Variants in PRR14L observed in about 807,000 individuals in gnomAD.
PRR14L encodes protein PRR14L.
PRR14L carries 80 observed loss-of-function variants against 155.0 expected under a neutral mutation model. That is an observed-to-expected ratio of 0.52 (90% confidence interval 0.43 to 0.62). The LOEUF is 0.62. Ranked by LOEUF, PRR14L falls within the 20% of genes least tolerant of loss-of-function variation. PRR14L has a pLI of 0.00. For synonymous variants in PRR14L, 883 were observed against 916.0 expected (o/e 0.96, Z 0.65); for missense variants, 2,469 against 2,548.0 (o/e 0.97, Z 0.67).
At chr22:31,705,394 G>C (rs934564925) in intron 4 of PRR14L, among the ~76,000 whole-genome samples, 1 of 151,716 alleles carries the variant, frequency 6.6e-6, no homozygotes, top group Non-Finnish European at 1.5e-5. Flanking sequence ...CTTTTTTTGA[G>C]ACTGAGTCTT....
intron 7 of PRR14L, among the ~76,000 whole-genome samples, chr22:31,700,978 A>G (rs1405768562): frequency 6.6e-6 from 1 of 150,562 alleles, no homozygotes; most frequent in African/African-American, 2.4e-5. Flanking sequence ...AGAAGAAAAT[A>G]TAAGTTTGGC....
At position 31,714,311 on chromosome 22, in the gene PRR14L, T is replaced by C. The variant is rs1482801988; in HGVS notation, c.3528A>G (p.Leu1176=). 6.4e-7 allele frequency: 1 copy of C among 1,551,784 alleles called. No individual in the cohort carries two copies. Among genetic ancestry groups the C allele is most frequent in the Non-Finnish European group, 8.7e-7 (1 of 1,146,998 alleles). ...KRILGRVNLS[L]NDSHYGQQDK... is the part of the protein sequence containing the mutation. The stretch of plus-strand genomic sequence containing the variant: ...CTTGCTGTCCATAATGGCTATCATT[T>C]AAAGACAAATTTACTCTGCCCAATA... The change falls in exon 4 of 9, where the codon TTA becomes TTG. Residue 1176 remains leucine (L), a synonymous_variant. Transcript: ENST00000327423.
At chr22:31,733,648 T>C (rs1166439564) in intron 2 of PRR14L, among the ~76,000 whole-genome samples, 1 of 152,082 alleles carries the variant, frequency 6.6e-6, no homozygotes, top group Non-Finnish European at 1.5e-5. Flanking sequence ...GAGGCACCAA[T>C]AGTTTTGTTA....
intron 8 of PRR14L, among the ~76,000 whole-genome samples, chr22:31,686,768 T>C (rs1052137354): frequency 6.6e-6 from 1 of 152,066 alleles, no homozygotes. Context: ...ACACAGTATA[T>C]TCCATTATAA....
At chr22:31,727,700 G>A (rs1960680008) in intron 2 of PRR14L, among the ~76,000 whole-genome samples, 1 of 152,026 alleles carries the variant, frequency 6.6e-6, no homozygotes, top group African/African-American at 2.4e-5. Flanking sequence ...AATGAATCAG[G>A]GCCGGGTGCA....
At chr22:31,720,794 T>G (rs1347582494) in intron 3 of PRR14L, among the ~76,000 whole-genome samples, 3 of 152,258 alleles carry the variant, frequency 2.0e-5, no homozygotes, top group Non-Finnish European at 4.4e-5. Context: ...TAAGGTAGAT[T>G]TTCCCTCCTT....
chr22:31,692,182 T>C (rs915852788), intron 7 of PRR14L, among the ~76,000 whole-genome samples: 5 of 152,192 alleles, frequency 3.3e-5, no homozygotes, highest in African/African-American at 1.2e-4. Flanking sequence ...TTCAATTCTT[T>C]TGGGTATATA....
rs895049483 is a variant in PRR14L, at chr22:31,715,648, G to A, written c.2191C>T (p.Pro731Ser). 6.4e-7 allele frequency: 1 copy of A among 1,552,142 alleles called. No individual in the cohort carries two copies. The highest frequency in any genetic ancestry group is 2.0e-5 in the Admixed American group (1 of 50,998). The part of the protein sequence containing the change: ...NQTCGASSNC[P>S]TLNIKPVSLE... ...CTTACTGGTTTGATGTTTAAGGTGG[G>A]ACAGTTTGAAGAGGCACCACAGGTT... is the stretch of plus-strand genomic sequence containing the variant. The change falls in exon 4 of 9, where the codon CCC becomes TCC. Residue 731 changes from proline (P) to serine (S), a missense_variant. Pro to Ser is a moderately conservative substitution (Grantham distance 74). Coordinates refer to ENST00000327423, the MANE Select transcript of PRR14L (RefSeq NM_173566.3).
At chr22:31,692,328 C>A (rs149000675) in intron 7 of PRR14L, among the ~76,000 whole-genome samples, 1 of 152,094 alleles carries the variant, frequency 6.6e-6, no homozygotes, top group Non-Finnish European at 1.5e-5. Context: ...CCTTACTACA[C>A]TTATTTTCTG....
intron 2 of PRR14L, among the ~76,000 whole-genome samples, chr22:31,731,318 A>G (rs778479120): frequency 5.3e-5 from 8 of 151,924 alleles, no homozygotes. Context: ...TAATCCTAAC[A>G]CTTTGGGAGG....
At chr22:31,691,338 C>CAGTCT (rs2074510720) in intron 7 of PRR14L, among the ~76,000 whole-genome samples, 2 of 152,074 alleles carry the variant, frequency 1.3e-5, no homozygotes, top group South Asian at 4.1e-4. Flanking sequence ...AGCGATCCTC[C>CAGTCT]AGTCTCAGCC....
At position 31,716,466 on chromosome 22, in the gene PRR14L, G is replaced by A. The variant is rs933977859; in HGVS notation, c.1373C>T (p.Ser458Phe). 44 of 1,550,678 alleles carry A rather than the reference G, an allele frequency of 2.8e-5. No individual in the cohort carries two copies. Among genetic ancestry groups the A allele is most frequent in the Non-Finnish European group, 3.7e-5 (42 of 1,146,558 alleles). Residue 458 changes from serine (S) to phenylalanine (F), a missense_variant, in exon 4 of 9, where the codon TCT becomes TTT. By Grantham distance (155) the Ser-to-Phe change is radical. This residue lies in a region of PRR14L where 2,363 missense variants were observed against 2,371.6 expected (regional missense o/e 1.00). Coordinates refer to ENST00000327423, the MANE Select transcript of PRR14L (RefSeq NM_173566.3). ...QDSLHTGNSS[S>F]LMPNSFTEAT... Reference sequence around the variant, plus strand: ...TTCAGTAAAAGAATTGGGCATTAAAGAACTAGAGTTCCCTGTATGGAGACT... The same window carrying A: ...TTCAGTAAAAGAATTGGGCATTAAAAAACTAGAGTTCCCTGTATGGAGACT...
chr22:31,725,403 TAC>T, intron 3 of PRR14L, 133 bp downstream of exon 3: 1 of 647,004 alleles, frequency 1.5e-6, no homozygotes, highest in Non-Finnish European at 2.8e-6. Flanking sequence ...ACAGTGAAGT[TAC>T]AGTTTCTATA....
At chr22:31,707,259 T>C (rs893940834) in intron 4 of PRR14L, among the ~76,000 whole-genome samples, 1 of 151,928 alleles carries the variant, frequency 6.6e-6, no homozygotes, top group African/African-American at 2.4e-5. Flanking sequence ...AACAGAAACA[T>C]GAGGTGGGAA....
intron 2 of PRR14L, among the ~76,000 whole-genome samples, chr22:31,735,608 C>T (rs919068910): frequency 6.7e-6 from 1 of 149,826 alleles, no homozygotes; most frequent in Admixed American, 6.7e-5. Context: ...CATTAAAAAA[C>T]TTTTCTCTCC....
At chr22:31,685,837 C>T (rs937836881) in intron 8 of PRR14L, 34 bp from the exon 9 acceptor site, 4 of 1,541,566 alleles carry the variant, frequency 2.6e-6, no homozygotes, top group Non-Finnish European at 3.5e-6. Context: ...CACCAACAGA[C>T]TGACTCACAT....
At position 31,714,566 on chromosome 22, in the gene PRR14L, G is replaced by A; in HGVS notation, c.3273C>T (p.Asp1091=). The A allele has an allele frequency of 6.4e-7, 1 of 1,551,936 alleles. No homozygotes were observed. The highest frequency in any genetic ancestry group is 8.7e-7 in the Non-Finnish European group (1 of 1,147,032). The change falls in exon 4 of 9, where the codon GAC becomes GAT. Residue 1091 remains aspartate (D), a synonymous_variant. Coordinates refer to ENST00000327423, the MANE Select transcript of PRR14L (RefSeq NM_173566.3). ...ARQEKLAFQE[D]SRSTLSRREL... ...CTCTCCGAGACAAGGTACTCCTGGA[G>A]TCCTCTTGAAATGCCAGTTTCTCTT... is the stretch of plus-strand genomic sequence containing the variant.
intron 2 of PRR14L, among the ~76,000 whole-genome samples, chr22:31,738,005 A>G (rs929428834): frequency 2.0e-5 from 3 of 151,066 alleles, no homozygotes; most frequent in Non-Finnish European, 4.4e-5. Context: ...ACAGAATGAG[A>G]CCTTCTTAAA....
Position 31,713,586 on chromosome 22 carries a change from C to CA in PRR14L, c.4252dup (p.Cys1418LeufsTer5). ...ATCTAACAACAGACTAGATGATATG[C>CA]ACTGTTGCGATATCGTATGTGCTTT... On this transcript the variant is annotated frameshift_variant, in exon 4 of 9. Transcript: ENST00000327423. LOFTEE classifies it high-confidence loss of function. The CA allele has an allele frequency of 6.4e-7, 1 of 1,552,048 alleles. No homozygotes were observed. The highest frequency in any genetic ancestry group is 8.7e-7 in the Non-Finnish European group (1 of 1,147,060).
Sources: allele counts gnomAD v4.1 joint callset (sites outside exome capture counted in the v4.1 genomes callset), GRCh38; gene constraint gnomAD v4.1.1; regional missense constraint gnomAD v4.1.1; transcripts MANE v1.5; gene names NCBI Gene and HGNC (gene_info 2026-07-23, HGNC 2026-07-21).